Variants in SPG11 observed in about 807,000 individuals in gnomAD.
SPG11 encodes the protein spatacsin.
Under a neutral mutation model 274.0 loss-of-function variants are expected in SPG11, and 222 were observed. The ratio of observed to expected loss-of-function variants is 0.81; its 90% CI spans 0.73 to 0.91. The LOEUF (loss-of-function observed/expected upper bound fraction) is 0.91. Ranked by LOEUF, SPG11 falls within the 40% of genes least tolerant of loss-of-function variation. The probability of loss-of-function intolerance (pLI) is 0.00; values close to 1 mark genes in which losing one functional copy is unlikely to be tolerated. For missense variants in SPG11, 3,114 were observed against 2,872.7 expected (o/e 1.08, Z -1.92); for synonymous variants, 1,144 against 1,039.7 (o/e 1.10, Z -1.93).
chr15:44,616,957 T>C (rs1158289546), intron 15 of SPG11, among the ~76,000 whole-genome samples: 1 of 152,220 alleles, frequency 6.6e-6, no homozygotes, highest in East Asian at 1.9e-4. Flanking sequence ...CTATATTGAT[T>C]AGCCATTTGT....
chr15:44,574,819 T>C (rs2082499552), intron 31 of SPG11, 83 bp downstream of exon 31: 1 of 1,532,458 alleles, frequency 6.5e-7, no homozygotes, highest in Non-Finnish European at 9.0e-7. Context: ...TCTAAAAGGC[T>C]GACTTGGCAA....
intron 36 of SPG11, 144 bp from the exon 37 acceptor site, chr15:44,566,449 T>C (rs547137205): frequency 4.1e-5 from 33 of 808,542 alleles, no homozygotes; most frequent in African/African-American, 3.2e-4. Flanking sequence ...ATAAAGGTTA[T>C]TGGGCCAGAA....
chr15:44,600,348 G>T, intron 21 of SPG11, 119 bp downstream of exon 21: 1 of 1,080,276 alleles, frequency 9.3e-7, no homozygotes, highest in Non-Finnish European at 1.4e-6. Context: ...GCAGTGGCAT[G>T]ACCATAGCTC....
At position 44,650,290 on chromosome 15, in the gene SPG11, G is replaced by A. The variant is rs1194038104; in HGVS notation, c.1456+1201C>T. On this transcript the variant is annotated intron_variant, in intron 6 of 39. Transcript: ENST00000261866. ...TCCTAGCACTTTGGGAGGCCAAGCC[G>A]GGATGATCACTTGAGCTCAGGAGTT... 2.6e-5 allele frequency among the ~76,000 whole-genome samples: 4 copies of A among 152,074 alleles called. No individual in the cohort carries two copies. In the East Asian group the frequency reaches 5.8e-4, roughly 22 times the overall value.
chr15:44,655,930 A>G (rs1238285381), intron 4 of SPG11, among the ~76,000 whole-genome samples: 1 of 152,226 alleles, frequency 6.6e-6, no homozygotes, highest in Non-Finnish European at 1.5e-5. Context: ...GTCTTTCTTA[A>G]AATATCTTAC....
rs200448116 is a variant in SPG11 at position 44,573,502 on chromosome 15, G to C, written c.6205+45C>G. 3.0e-5 allele frequency: 48 copies of C among 1,600,844 alleles called. No homozygotes were observed. In the African/African-American group the frequency reaches 5.2e-4, roughly 17 times the overall value. ...TCCAAATCCTTAACACTGGGAACTA[G>C]AGAATGCTGTCAGAGAGGTTGGGAA... On this transcript the variant is annotated intron_variant, in intron 32 of 39. Transcript: ENST00000261866.
intron 12 of SPG11, 103 bp downstream of exon 12, chr15:44,622,625 T>TG: frequency 1.0e-6 from 1 of 996,014 alleles, no homozygotes; most frequent in Non-Finnish European, 1.6e-6. Context: ...AGATATTAGT[T>TG]GAACATTAAA....
In SPG11 at chr15:44,651,620, C is replaced by T; in HGVS notation, c.1327G>A (p.Val443Met). ...GTAATGGTATAGCCCATCCTTTCCACTTCCCAAGTAAACAGTGCAGTGAAT... is the reference window on the plus strand; with the variant it reads ...GTAATGGTATAGCCCATCCTTTCCATTTCCCAAGTAAACAGTGCAGTGAAT... ...TGFTALFTWE[V>M]ERMGYTITLW... The change falls in exon 6 of 40, where the codon GTG (valine) becomes ATG (methionine). Residue 443 changes from valine to methionine, a missense_variant. Coordinates refer to ENST00000261866, the MANE Select transcript of SPG11 (RefSeq NM_025137.4). 1 of 1,614,248 alleles carries T rather than the reference C, an allele frequency of 6.2e-7. No homozygotes were observed. The highest frequency in any genetic ancestry group is 1.1e-5 in the South Asian group (1 of 91,088).
intron 20 of SPG11, among the ~76,000 whole-genome samples, chr15:44,601,353 T>C (rs530121346): frequency 6.6e-6 from 1 of 152,084 alleles, no homozygotes; most frequent in South Asian, 2.1e-4. Flanking sequence ...CTCCACTTCC[T>C]GGGCTCAGGT....
chr15:44,596,717 A>G, intron 24 of SPG11, 67 bp downstream of exon 24: 1 of 1,459,816 alleles, frequency 6.9e-7, no homozygotes, highest in East Asian at 2.3e-5. Flanking sequence ...ACACAACAGA[A>G]AGAATGCTAT....
At chr15:44,636,958 CAAA>C (rs1328250311) in intron 7 of SPG11, among the ~76,000 whole-genome samples, 59 of 89,118 alleles carry the variant, frequency 6.6e-4, no homozygotes, top group African/African-American at 3.0e-3. Flanking sequence ...AAAAAAAAAA[CAAA>C]AAAAAAACAC....
At chr15:44,617,624 G>A (rs2083622064) in intron 15 of SPG11, among the ~76,000 whole-genome samples, 1 of 152,118 alleles carries the variant, frequency 6.6e-6, no homozygotes, top group African/African-American at 2.4e-5. Flanking sequence ...AATAAGTTTT[G>A]ATATCTGGTA....
chr15:44,583,922 C>A lies in SPG11; in HGVS notation c.5758G>T (p.Gly1920Trp), dbSNP rs751742817. ...TGCAGATCCTCCATACTAGCTTCCC[C>A]TGAGGCCAGTGCTCTGCAGTGCAAT... is the stretch of plus-strand genomic sequence containing the variant. ...LVLHCRALAS[G>W]EASMEDLHPE... Residue 1920 changes from glycine to tryptophan, a missense_variant, in exon 30 of 40, where the codon GGG (glycine) becomes TGG (tryptophan). Coordinates refer to ENST00000261866, the MANE Select transcript of SPG11 (RefSeq NM_025137.4). The A allele has an allele frequency of 1.9e-6, 3 of 1,614,064 alleles. No homozygotes were observed. Among genetic ancestry groups the A allele is most frequent in the Non-Finnish European group, 2.5e-6 (3 of 1,180,038 alleles).
At chr15:44,641,353 A>G (rs2084433085) in intron 7 of SPG11, among the ~76,000 whole-genome samples, 1 of 152,132 alleles carries the variant, frequency 6.6e-6, no homozygotes, top group Non-Finnish European at 1.5e-5. Context: ...GTCATAAAGG[A>G]AAAGACTGAT....
intron 11 of SPG11, among the ~76,000 whole-genome samples, chr15:44,625,509 TTCCTCTTTCTCCTGCCATGTAAGACAG>T (rs2083872486): frequency 6.6e-6 from 1 of 152,142 alleles, no homozygotes; most frequent in Non-Finnish European, 1.5e-5. Context: ...CTGCTCTCTC[TTCCTCTTTCTCCTGCCATGTAAGACAG>T]GCCTGCTTCC....
chr15:44,631,731 T>C (rs1011087811), intron 8 of SPG11, among the ~76,000 whole-genome samples: 1 of 151,326 alleles, frequency 6.6e-6, no homozygotes, highest in Non-Finnish European at 1.5e-5. Flanking sequence ...TCATGAACTC[T>C]TGGTCTCAAG....
At chr15:44,597,782 T>C (rs2083082075) in intron 23 of SPG11, among the ~76,000 whole-genome samples, 1 of 152,178 alleles carries the variant, frequency 6.6e-6, no homozygotes, top group African/African-American at 2.4e-5. Flanking sequence ...AGGCATGAAG[T>C]GTAAGGAGGT....
In SPG11 at chr15:44,610,756, T is replaced by C; in HGVS notation, c.3291+84A>G. ...ATACTTGAATATAGTTATATTTTAA[T>C]ATCAGCTGAGATCTAGACAATCCAT... On this transcript the variant is annotated intron_variant, in intron 18 of 39. Transcript: ENST00000261866. The C allele has an allele frequency of 5.6e-6, 7 of 1,260,734 alleles. 1 individual carries two copies. The South Asian group carries it at 8.5e-5, about 15-fold the overall frequency. 78.1% of individuals were successfully genotyped at this position (1,260,734 alleles called of 1,614,324 possible). A position where few individuals can be genotyped will look rare whatever the true frequency, so the allele number is the denominator to read the frequency against.
At chr15:44,662,971 A>G (rs1713472962) in intron 1 of SPG11, among the ~76,000 whole-genome samples, 1 of 152,266 alleles carries the variant, frequency 6.6e-6, no homozygotes, top group African/African-American at 2.4e-5. Flanking sequence ...AGGACATGAA[A>G]AAAGTATCAG....
Sources: gnomAD v4.1 joint callset for allele counts (sites outside exome capture counted in the v4.1 genomes callset) on GRCh38, gnomAD v4.1.1 for gene constraint, MANE v1.5 for transcripts, NCBI Gene and HGNC (gene_info 2026-07-23, HGNC 2026-07-21) for gene names.